TSHZ2: variants seen among roughly 807,000 people sequenced by gnomAD.
TSHZ2 encodes teashirt zinc finger homeobox 2, also known as teashirt homolog 2.
In TSHZ2, 21 loss-of-function variants were observed where a neutral mutation model predicts 74.4. That is an observed-to-expected ratio of 0.28 (90% CI 0.20 to 0.41). TSHZ2 has a LOEUF of 0.41. Ranked by LOEUF, TSHZ2 falls within the 10% of genes least tolerant of loss-of-function variation. The pLI is 1.00. For missense variants in TSHZ2, 1,244 were observed against 1,293.5 expected, an observed-to-expected ratio of 0.96 and a Z score of 0.59; for synonymous variants, 540 against 515.3, an observed-to-expected ratio of 1.05 and a Z score of -0.65.
At chr20:53,275,538 G>A (rs377275925) in intron 2 of TSHZ2, among the ~76,000 whole-genome samples, 25 of 152,228 alleles carry the variant, frequency 1.6e-4, no homozygotes, top group African/African-American at 5.3e-4. Flanking sequence ...GCTGCAGGTC[G>A]ATGAGCACAA....
chr20:53,378,098 C>T (rs889492491), intron 2 of TSHZ2, among the ~76,000 whole-genome samples: 3 of 152,024 alleles, frequency 2.0e-5, no homozygotes, highest in Admixed American at 6.6e-5. Flanking sequence ...CCCAGCACTT[C>T]GGGAGGCCGA....
chr20:53,021,046 C>T (rs570028655), intron 1 of TSHZ2, among the ~76,000 whole-genome samples: 1 of 152,314 alleles, frequency 6.6e-6, no homozygotes, highest in African/African-American at 2.4e-5. Context: ...AGAGGGAGCT[C>T]TACACAAACA....
intron 1 of TSHZ2, among the ~76,000 whole-genome samples, chr20:53,053,153 A>T (rs912349279): frequency 1.8e-4 from 28 of 152,240 alleles, no homozygotes; most frequent in African/African-American, 6.7e-4. Flanking sequence ...CTATGTGATC[A>T]TTTGTGTCTG....
Position 52,993,111 on chromosome 20 carries a change from T to A in TSHZ2, c.40+19778T>A, listed in dbSNP as rs1344050500. 3.3e-5 allele frequency among the ~76,000 whole-genome samples: 5 copies of A among 152,348 alleles called. No homozygotes were observed. In the South Asian group the frequency reaches 1.0e-3, roughly 32 times the overall value. ...ATAGAAGGACTTTGAAATTTCTCTC[T>A]GGGAATCTGGCTATTTCAGCCAACA... On this transcript the variant is annotated intron_variant, in intron 1 of 2. Transcript: ENST00000371497.
chr20:53,425,469 A>C (rs1009623417), intron 2 of TSHZ2, among the ~76,000 whole-genome samples: 1 of 152,178 alleles, frequency 6.6e-6, no homozygotes, highest in African/African-American at 2.4e-5. Context: ...AGTAAACTAA[A>C]AATTTACATC....
chr20:53,026,659 T>C (rs1983456969), intron 1 of TSHZ2, among the ~76,000 whole-genome samples: 1 of 152,216 alleles, frequency 6.6e-6, no homozygotes, highest in Admixed American at 6.5e-5. Context: ...AACTGTCACA[T>C]CCACACATGG....
intron 2 of TSHZ2, among the ~76,000 whole-genome samples, chr20:53,462,694 G>A (rs1952361241): frequency 1.3e-5 from 2 of 152,162 alleles, no homozygotes; most frequent in African/African-American, 4.8e-5. Context: ...GCTGATTTGG[G>A]GGTGGAGGAA....
chr20:53,409,841 T>C lies in TSHZ2; in HGVS notation c.*9-77303T>C, dbSNP rs1426404207. On this transcript the variant is annotated intron_variant, in intron 2 of 2. Transcript: ENST00000371497. The stretch of plus-strand genomic sequence containing the variant: ...ACATCTTTGTTTTCTTTTCTTTTTT[T>C]TTTTTTTTTTTTTTTTTTTTTTTGA... 1.1e-4 allele frequency among the ~76,000 whole-genome samples: 14 copies of C among 127,726 alleles called. No homozygotes were observed. The Middle Eastern group carries it at 0.011, about 103-fold the overall frequency. The allele number at this position is 127,726 out of a possible 152,430, so 83.8% of individuals were successfully genotyped here.
chr20:53,292,447 A>AG (rs1463940537), intron 2 of TSHZ2, among the ~76,000 whole-genome samples: 1 of 141,366 alleles, frequency 7.1e-6, no homozygotes, highest in African/African-American at 2.6e-5. Context: ...CAAACCACCT[A>AG]TTTTTTTTTT....
intron 2 of TSHZ2, among the ~76,000 whole-genome samples, chr20:53,304,076 A>G (rs547875374): frequency 2.0e-5 from 3 of 151,914 alleles, no homozygotes; most frequent in Admixed American, 2.0e-4. Flanking sequence ...TTTAGGGTAC[A>G]TGTGCACAAT....
intron 1 of TSHZ2, among the ~76,000 whole-genome samples, chr20:53,069,482 G>A (rs762373892): frequency 4.0e-5 from 6 of 151,700 alleles, no homozygotes; most frequent in Non-Finnish European, 7.4e-5. Flanking sequence ...TTACTTTATC[G>A]GTAAAACTAC....
intron 1 of TSHZ2, among the ~76,000 whole-genome samples, chr20:53,115,488 A>G (rs1986644506): frequency 6.6e-6 from 1 of 152,248 alleles, no homozygotes; most frequent in South Asian, 2.1e-4. Flanking sequence ...GCCTTCCACC[A>G]TGATTGTGAG....
chr20:53,334,761 G>A (rs1979875016), intron 2 of TSHZ2, among the ~76,000 whole-genome samples: 1 of 151,936 alleles, frequency 6.6e-6, no homozygotes, highest in African/African-American at 2.4e-5. Flanking sequence ...GTGGCGCACT[G>A]CAACCTCCGC....
At chr20:52,976,087 T>A (rs866157820) in intron 1 of TSHZ2, among the ~76,000 whole-genome samples, 25 of 152,222 alleles carry the variant, frequency 1.6e-4, no homozygotes, top group African/African-American at 4.6e-4. Context: ...GCAATTTGAT[T>A]CCTTTGTATT....
intron 1 of TSHZ2, among the ~76,000 whole-genome samples, chr20:53,203,355 T>C (rs8124980): frequency 0.48 from 72,728 of 151,836 alleles, 21,658 homozygotes; most frequent in African/African-American, 0.83. Flanking sequence ...CCACCATACC[T>C]GGCTAATTTT....
Position 52,972,978 on chromosome 20 carries a change from A to G in TSHZ2, c.-316A>G, listed in dbSNP as rs1465750995. On this transcript the variant is annotated 5_prime_UTR_variant, in exon 1 of 3. Transcript: ENST00000371497. ...AAAAAAAACCGCAAAAACAAAACCA[A>G]AAAAATTCCAAAAGCAAAAACAAAA... is the stretch of plus-strand genomic sequence containing the variant. 2.2e-4 allele frequency: 82 copies of G among 370,776 alleles called. 1 individual carries two copies. The East Asian group carries it at 3.3e-3, about 15-fold the overall frequency. The allele number at this position is 370,776 out of a possible 1,614,324, so 23.0% of individuals were successfully genotyped here.
intron 1 of TSHZ2, among the ~76,000 whole-genome samples, chr20:53,194,663 A>G (rs898731870): frequency 6.6e-6 from 1 of 152,090 alleles, no homozygotes; most frequent in African/African-American, 2.4e-5. Context: ...ATTGATAGGG[A>G]CTCATTAAGT....
chr20:53,378,507 C>T (rs1459115021), intron 2 of TSHZ2, among the ~76,000 whole-genome samples: 3 of 151,812 alleles, frequency 2.0e-5, no homozygotes, highest in Non-Finnish European at 4.4e-5. Context: ...TACTTTAAAG[C>T]CCCAACAGGT....
chr20:53,140,047 A>G (rs1987348199), intron 1 of TSHZ2, among the ~76,000 whole-genome samples: 1 of 152,102 alleles, frequency 6.6e-6, no homozygotes, highest in Non-Finnish European at 1.5e-5. Context: ...CTGAGCACCT[A>G]CGCTATGCAA....
Sources: allele counts gnomAD v4.1 joint callset (sites outside exome capture counted in the v4.1 genomes callset), GRCh38; gene constraint gnomAD v4.1.1; transcripts MANE v1.5; gene names NCBI Gene and HGNC (gene_info 2026-07-23, HGNC 2026-07-21).